Variants in PTPRD observed in about 807,000 individuals in gnomAD.
PTPRD encodes the protein receptor-type tyrosine-protein phosphatase delta.
Under a neutral mutation model 214.5 loss-of-function variants are expected in PTPRD, and 34 were observed. The observed-to-expected ratio is 0.16, with a 90% CI of 0.12 to 0.21. The LOEUF (loss-of-function observed/expected upper bound fraction) is 0.21. Ranked by LOEUF, PTPRD falls within the 10% of genes least tolerant of loss-of-function variation. The probability of loss-of-function intolerance (pLI) is 1.00; values close to 1 mark genes in which losing one functional copy is unlikely to be tolerated. For missense variants in PTPRD, 2,545 were observed against 2,398.7 expected, an observed-to-expected ratio of 1.06 and a Z score of -1.27; for synonymous variants, 1,128 against 845.7, an observed-to-expected ratio of 1.33 and a Z score of -5.79.
chr9:10,198,022 C>A (rs968393790), intron 3 of PTPRD, among the ~76,000 whole-genome samples: 9 of 152,114 alleles, frequency 5.9e-5, no homozygotes, highest in Admixed American at 5.9e-4. Flanking sequence ...ATAATTTAAT[C>A]TTTTAAAATT....
intron 11 of PTPRD, among the ~76,000 whole-genome samples, chr9:8,926,777 T>C (rs774693906): frequency 1.6e-4 from 25 of 152,242 alleles, no homozygotes; most frequent in Non-Finnish European, 3.5e-4. Context: ...TGATCTCTTC[T>C]TGATAATTCT....
At chr9:8,470,170 A>T (rs1297689525) in intron 31 of PTPRD, among the ~76,000 whole-genome samples, 1 of 152,166 alleles carries the variant, frequency 6.6e-6, no homozygotes, top group Non-Finnish European at 1.5e-5. Flanking sequence ...ATGTTAAAAT[A>T]ACAAAGGCTC....
At position 9,929,850 on chromosome 9, in the gene PTPRD, T is replaced by A. The variant is rs1326209621; in HGVS notation, c.-368+8657A>T. ...ACTACATCATGTTCTACAAAGAGAA[T>A]ATGAGTTATTTTGAAATTACAGCTG... is the stretch of plus-strand genomic sequence containing the variant. On this transcript the variant is annotated intron_variant, in intron 5 of 45. Coordinates refer to ENST00000381196, the MANE Select transcript of PTPRD (RefSeq NM_002839.4). Among the ~76,000 whole-genome samples, 5 of 152,148 alleles carry A rather than the reference T, an allele frequency of 3.3e-5. No individual in the cohort carries two copies. The South Asian group carries it at 1.0e-3, about 31-fold the overall frequency.
intron 30 of PTPRD, among the ~76,000 whole-genome samples, chr9:8,479,671 C>G (rs1330482323): frequency 6.6e-6 from 1 of 152,160 alleles, no homozygotes; most frequent in Non-Finnish European, 1.5e-5. Flanking sequence ...CCAATAATAG[C>G]TAACACATTC....
chr9:8,662,030 C>T (rs1367667827), intron 12 of PTPRD, among the ~76,000 whole-genome samples: 1 of 152,140 alleles, frequency 6.6e-6, no homozygotes, highest in South Asian at 2.1e-4. Flanking sequence ...GATCTTCTAC[C>T]CTCAGCCTCC....
chr9:10,346,413 T>C (rs993844374), intron 2 of PTPRD, among the ~76,000 whole-genome samples: 5 of 152,078 alleles, frequency 3.3e-5, no homozygotes, highest in Admixed American at 2.0e-4. Context: ...AATTGACACA[T>C]AAAGTATGAG....
chr9:8,388,082 T>C (rs2087877052), intron 37 of PTPRD, among the ~76,000 whole-genome samples: 3 of 152,236 alleles, frequency 2.0e-5, no homozygotes, highest in Admixed American at 1.3e-4. Flanking sequence ...TGCTTTTTAG[T>C]TTTGCTAAAC....
chr9:10,592,636 G>A (rs913961538), intron 2 of PTPRD, among the ~76,000 whole-genome samples: 7 of 151,922 alleles, frequency 4.6e-5, no homozygotes, highest in African/African-American at 1.4e-4. Context: ...AGGATTGTAA[G>A]ATGCACCAAT....
intron 12 of PTPRD, among the ~76,000 whole-genome samples, chr9:8,685,229 T>A (rs923084272): frequency 2.7e-5 from 4 of 149,692 alleles, no homozygotes; most frequent in African/African-American, 7.4e-5. Context: ...AAAAGGCCTC[T>A]ACAAAGAAGT....
intron 11 of PTPRD, among the ~76,000 whole-genome samples, chr9:8,841,634 C>T (rs550635903): frequency 1.3e-5 from 2 of 152,130 alleles, no homozygotes; most frequent in Non-Finnish European, 1.5e-5. Context: ...CTTTAAAAAC[C>T]CCTACCTTTC....
At chr9:9,612,731 G>A (rs1439760101) in intron 7 of PTPRD, among the ~76,000 whole-genome samples, 1 of 151,996 alleles carries the variant, frequency 6.6e-6, no homozygotes, top group Non-Finnish European at 1.5e-5. Flanking sequence ...AAAAAAAAAG[G>A]AGATACATAA....
In PTPRD at chr9:9,376,025, G is replaced by A. The variant is rs146309895; in HGVS notation, c.-203+21424C>T. Reference sequence around the variant, plus strand: ...CCATTCTCCTTGTAAAGAAGGTAGTGTTAAGACATTTTCATAATATAAAGC... The same window carrying A: ...CCATTCTCCTTGTAAAGAAGGTAGTATTAAGACATTTTCATAATATAAAGC... On this transcript the variant is annotated intron_variant, in intron 9 of 45. Coordinates refer to ENST00000381196, the MANE Select transcript of PTPRD (RefSeq NM_002839.4). Among the ~76,000 whole-genome samples, 347 of 152,176 alleles carry A rather than the reference G, an allele frequency of 2.3e-3. 1 individual carries two copies. Among genetic ancestry groups the A allele is most frequent in the African/African-American group, 8.0e-3 (332 of 41,536 alleles).
chr9:9,284,569 C>G (rs11791244), intron 9 of PTPRD, among the ~76,000 whole-genome samples: 14,369 of 151,712 alleles, frequency 0.095, 671 homozygotes, highest in Middle Eastern at 0.17. Flanking sequence ...AATCATTTCT[C>G]CACCAGTCCC....
chr9:8,526,668 A>G, intron 16 of PTPRD, 24 bp from the exon 17 acceptor site: 1 of 1,574,118 alleles, frequency 6.4e-7, no homozygotes, highest in Non-Finnish European at 8.6e-7. Flanking sequence ...ATGAATGCAA[A>G]TAAGATTAGA....
rs185920996 is a variant in PTPRD, at chr9:8,683,635, C to T, written c.65-46791G>A. 3.2e-3 allele frequency among the ~76,000 whole-genome samples: 491 copies of T among 152,294 alleles called. 3 individuals carry two copies. Among genetic ancestry groups the T allele is most frequent in the Middle Eastern group, 0.024 (7 of 294 alleles). On this transcript the variant is annotated intron_variant, in intron 12 of 45. Transcript: ENST00000381196. Reference sequence around the variant, plus strand: ...ATTTTCCAAAGATGCACATATCTCACGCCATAAGGTCTCCTTCCACTAGCA... The same window carrying T: ...ATTTTCCAAAGATGCACATATCTCATGCCATAAGGTCTCCTTCCACTAGCA...
At chr9:9,503,770 T>C (rs1010062159) in intron 8 of PTPRD, among the ~76,000 whole-genome samples, 2 of 151,718 alleles carry the variant, frequency 1.3e-5, no homozygotes, top group Admixed American at 1.3e-4. Context: ...CACACATGCC[T>C]ATGATTTTAC....
intron 14 of PTPRD, among the ~76,000 whole-genome samples, chr9:8,591,636 T>G (rs1401049490): frequency 6.6e-6 from 1 of 152,190 alleles, no homozygotes; most frequent in Non-Finnish European, 1.5e-5. Flanking sequence ...TAAGAATTTC[T>G]GAAGCTCAAA....
intron 3 of PTPRD, among the ~76,000 whole-genome samples, chr9:10,097,096 T>G (rs1015487101): frequency 6.7e-6 from 1 of 150,304 alleles, no homozygotes; most frequent in African/African-American, 2.4e-5. Context: ...CATTGATCTA[T>G]ATCTCTGTTT....
At chr9:9,982,746 AAATT>A (rs2095587367) in intron 4 of PTPRD, among the ~76,000 whole-genome samples, 1 of 152,088 alleles carries the variant, frequency 6.6e-6, no homozygotes, top group Non-Finnish European at 1.5e-5. Flanking sequence ...AAGGTCCTAA[AAATT>A]AAAAAAATAA....
Sources: gnomAD v4.1 joint callset for allele counts (sites outside exome capture counted in the v4.1 genomes callset) on GRCh38, gnomAD v4.1.1 for gene constraint, MANE v1.5 for transcripts, NCBI Gene and HGNC (gene_info 2026-07-23, HGNC 2026-07-21) for gene names.